SLC39A11: variants seen among roughly 807,000 people sequenced by gnomAD.
SLC39A11 encodes zinc transporter ZIP11.
SLC39A11 carries 33 observed loss-of-function variants against 36.1 expected under a neutral mutation model. The ratio of observed to expected loss-of-function variants is 0.91; its 90% confidence interval spans 0.69 to 1.22. The LOEUF is 1.22. Among genes scored for constraint, SLC39A11 ranks in the 50% most tolerant of loss-of-function variants. The probability of loss-of-function intolerance (pLI) is 0.00; values close to 1 mark genes in which losing one functional copy is unlikely to be tolerated. For synonymous variants in SLC39A11, 166 were observed against 170.3 expected, an observed-to-expected ratio of 0.97 and a Z score of 0.20; for missense variants, 432 against 430.3, an observed-to-expected ratio of 1.00 and a Z score of -0.03.
intron 5 of SLC39A11, among the ~76,000 whole-genome samples, chr17:72,907,956 G>C (rs2082748218): frequency 6.6e-6 from 1 of 152,190 alleles, no homozygotes; most frequent in African/African-American, 2.4e-5. Flanking sequence ...AGGTGAGCAG[G>C]GGCAGGGCAC....
At chr17:73,078,135 G>A (rs2060386046) in intron 3 of SLC39A11, among the ~76,000 whole-genome samples, 3 of 151,940 alleles carry the variant, frequency 2.0e-5, no homozygotes, top group Non-Finnish European at 2.9e-5. Context: ...CTACTCGGGA[G>A]GCTGAGGCAG....
chr17:72,955,469 A>T (rs1412697343), intron 4 of SLC39A11, among the ~76,000 whole-genome samples: 5 of 128,682 alleles, frequency 3.9e-5, no homozygotes, highest in African/African-American at 5.8e-5. Context: ...CGTCTGGCTA[A>T]TTTTTTTTTT....
chr17:72,988,493 AATTAAGTT>A (rs1282377661), intron 4 of SLC39A11, among the ~76,000 whole-genome samples: 1 of 152,088 alleles, frequency 6.6e-6, no homozygotes, highest in Non-Finnish European at 1.5e-5. Flanking sequence ...ACAAATGTAC[AATTAAGTT>A]ATTACTGACT....
chr17:72,905,097 C>T (rs1221403005), intron 5 of SLC39A11, among the ~76,000 whole-genome samples: 5 of 138,020 alleles, frequency 3.6e-5, no homozygotes, highest in South Asian at 2.3e-4. Context: ...GGCATGAACC[C>T]GGGAAGCGGA....
intron 3 of SLC39A11, among the ~76,000 whole-genome samples, chr17:73,035,728 G>A (rs527746602): frequency 3.9e-5 from 6 of 151,902 alleles, no homozygotes; most frequent in East Asian, 2.0e-4. Flanking sequence ...GCCGGGCATC[G>A]TGGCAGGCAC....
At chr17:73,087,058 GA>G (rs201864946) in intron 2 of SLC39A11, among the ~76,000 whole-genome samples, 125 of 144,598 alleles carry the variant, frequency 8.6e-4, no homozygotes, top group Middle Eastern at 7.1e-3. Context: ...TCTGTCTAAA[GA>G]AAAAAAAAAC....
chr17:72,789,969 G>A (rs12945470), intron 6 of SLC39A11, among the ~76,000 whole-genome samples: 2,062 of 152,272 alleles, frequency 0.014, 29 homozygotes, highest in African/African-American at 0.031. Context: ...GCCAAAGATT[G>A]AGCTGAGGGA....
At chr17:72,715,775 C>T (rs1304759710) in intron 7 of SLC39A11, among the ~76,000 whole-genome samples, 1 of 152,122 alleles carries the variant, frequency 6.6e-6, no homozygotes, top group African/African-American at 2.4e-5. Context: ...GTGATCTTGG[C>T]TCCCTGCAGC....
chr17:72,657,351 T>C (rs1173977071), intron 7 of SLC39A11, among the ~76,000 whole-genome samples: 1 of 151,942 alleles, frequency 6.6e-6, no homozygotes, highest in Non-Finnish European at 1.5e-5. Context: ...CAGAGTGAGA[T>C]TCTGCCTCAA....
At chr17:72,947,180 G>C (rs973390672) in intron 5 of SLC39A11, among the ~76,000 whole-genome samples, 4 of 152,146 alleles carry the variant, frequency 2.6e-5, no homozygotes, top group African/African-American at 9.7e-5. Context: ...AAATTAGCCA[G>C]GCATGGACCT....
intron 5 of SLC39A11, among the ~76,000 whole-genome samples, chr17:72,891,627 C>A (rs890407560): frequency 2.0e-5 from 3 of 152,062 alleles, no homozygotes; most frequent in African/African-American, 7.2e-5. Flanking sequence ...CCTGGTCACT[C>A]TCTCTCCGGC....
intron 5 of SLC39A11, among the ~76,000 whole-genome samples, chr17:72,946,133 G>T (rs541458473): frequency 7.2e-5 from 11 of 152,188 alleles, no homozygotes; most frequent in Admixed American, 6.5e-5. Flanking sequence ...TGAATACAGT[G>T]CTCTACTGTG....
chr17:72,940,805 T>G (rs935268502), intron 5 of SLC39A11, among the ~76,000 whole-genome samples: 2 of 152,176 alleles, frequency 1.3e-5, no homozygotes, highest in African/African-American at 2.4e-5. Context: ...CTCAAAAAAT[T>G]GTTCAGCGCA....
At chr17:72,909,895 G>A (rs188466689) in intron 5 of SLC39A11, among the ~76,000 whole-genome samples, 103 of 151,826 alleles carry the variant, frequency 6.8e-4, no homozygotes, top group South Asian at 1.2e-3. Context: ...CCAGGCGCCC[G>A]CCATTACGCC....
chr17:72,805,345 G>A (rs1420892632), intron 6 of SLC39A11, among the ~76,000 whole-genome samples: 1 of 152,082 alleles, frequency 6.6e-6, no homozygotes, highest in Non-Finnish European at 1.5e-5. Flanking sequence ...GCCTACTCTC[G>A]ACAACTGCCC....
intron 4 of SLC39A11, among the ~76,000 whole-genome samples, chr17:72,973,902 C>T (rs1403077716): frequency 6.6e-6 from 1 of 151,970 alleles, no homozygotes. Flanking sequence ...AGTTTGTGTC[C>T]TCCCAAAATT....
intron 7 of SLC39A11, among the ~76,000 whole-genome samples, chr17:72,651,767 G>A (rs1339191667): frequency 1.3e-5 from 2 of 152,182 alleles, no homozygotes; most frequent in Non-Finnish European, 2.9e-5. Flanking sequence ...TCTTGGGACT[G>A]ACAGAAGCAT....
At chr17:72,771,650 T>C (rs1025487835) in intron 6 of SLC39A11, among the ~76,000 whole-genome samples, 2 of 152,116 alleles carry the variant, frequency 1.3e-5, no homozygotes, top group African/African-American at 4.8e-5. Flanking sequence ...CAGGCTCAGA[T>C]TCCTAATAAA....
chr17:72,966,095 AGGGTGACAGGCCCAGCTGAG>A (rs2086952359), intron 4 of SLC39A11, among the ~76,000 whole-genome samples: 2 of 152,220 alleles, frequency 1.3e-5, no homozygotes, highest in Non-Finnish European at 2.9e-5. Flanking sequence ...CTGCTGAACC[AGGGTGACAGGCCCAGCTGAG>A]GGCAACGCAG....
Sources: gnomAD v4.1 joint callset for allele counts (sites outside exome capture counted in the v4.1 genomes callset) on GRCh38, gnomAD v4.1.1 for gene constraint, MANE v1.5 for transcripts, NCBI Gene and HGNC (gene_info 2026-07-23, HGNC 2026-07-21) for gene names.